TNRC6B: variants seen among roughly 807,000 people sequenced by gnomAD.
The protein encoded by TNRC6B is trinucleotide repeat containing adaptor 6B, also known as trinucleotide repeat-containing gene 6B protein.
A neutral mutation model predicts 203.6 loss-of-function variants in TNRC6B; 52 were observed. The ratio of observed to expected loss-of-function variants is 0.26; its 90% CI spans 0.20 to 0.32. The LOEUF (loss-of-function observed/expected upper bound fraction) is 0.32. Ranked by LOEUF, TNRC6B falls within the 10% of genes least tolerant of loss-of-function variation. The probability of loss-of-function intolerance (pLI) is 1.00; values close to 1 mark genes in which losing one functional copy is unlikely to be tolerated. For synonymous variants in TNRC6B, 838 were observed against 845.7 expected (o/e 0.99, Z 0.16); for missense variants, 1,923 against 2,286.2 (o/e 0.84, Z 3.24).
At chr22:40,092,533 G>T (rs574812303) in intron 1 of TNRC6B, among the ~76,000 whole-genome samples, 5 of 152,164 alleles carry the variant, frequency 3.3e-5, no homozygotes, top group Admixed American at 2.0e-4. Flanking sequence ...ATTAGAGATG[G>T]GTTGTTGCTA....
In TNRC6B at chr22:40,330,106, A is replaced by T. The variant is rs1041535197; in HGVS notation, c.*6865A>T. ...TGCCTCAACTTCATTTTTAAACTGT[A>T]AATCATTGCTTTGGAAATAAATTCC... On this transcript the variant is annotated 3_prime_UTR_variant, in exon 23 of 23. Coordinates refer to ENST00000454349, the MANE Select transcript of TNRC6B (RefSeq NM_001162501.2). 1.3e-4 allele frequency: 20 copies of T among 152,236 alleles called. No individual in the cohort carries two copies. Among genetic ancestry groups the T allele is most frequent in the Admixed American group, 3.9e-4 (6 of 15,278 alleles). The allele number at this position is 152,236 out of a possible 1,614,324, so 9.4% of individuals were successfully genotyped here.
intron 1 of TNRC6B, among the ~76,000 whole-genome samples, chr22:40,093,088 A>G (rs530296006): frequency 6.6e-6 from 1 of 152,266 alleles, no homozygotes; most frequent in Non-Finnish European, 1.5e-5. Flanking sequence ...ACTTGAAAAC[A>G]TGCTGTGCAT....
chr22:40,277,741 G>C (rs142770899), intron 8 of TNRC6B, among the ~76,000 whole-genome samples: 1 of 152,288 alleles, frequency 6.6e-6, no homozygotes, highest in Non-Finnish European at 1.5e-5. Flanking sequence ...TATTTCTTCA[G>C]GCAGCTGTTT....
chr22:40,212,530 G>A (rs1474736706), intron 1 of TNRC6B, among the ~76,000 whole-genome samples: 2 of 152,196 alleles, frequency 1.3e-5, no homozygotes, highest in Non-Finnish European at 2.9e-5. Flanking sequence ...ACAGTTTAAG[G>A]TTGTGATCTC....
intron 3 of TNRC6B, among the ~76,000 whole-genome samples, chr22:40,258,508 T>G (rs2146488937): frequency 6.6e-6 from 1 of 152,262 alleles, no homozygotes; most frequent in East Asian, 1.9e-4. Context: ...AAAAATAGAG[T>G]AAGAATTCAT....
At chr22:40,166,755 C>T (rs1026506757) in intron 4 of TNRC6B, among the ~76,000 whole-genome samples, 2 of 152,030 alleles carry the variant, frequency 1.3e-5, no homozygotes, top group Non-Finnish European at 2.9e-5. Context: ...ATTAGCTAAG[C>T]GTGGTGGCAC....
At chr22:40,117,559 A>G (rs2068401005) in intron 2 of TNRC6B, among the ~76,000 whole-genome samples, 1 of 152,194 alleles carries the variant, frequency 6.6e-6, no homozygotes, top group South Asian at 2.1e-4. Flanking sequence ...GATCCCTTCA[A>G]ACCTAATTCC....
intron 5 of TNRC6B, among the ~76,000 whole-genome samples, chr22:40,269,010 T>C (rs1421881891): frequency 1.3e-5 from 2 of 151,612 alleles, no homozygotes; most frequent in African/African-American, 4.8e-5. Flanking sequence ...TTCAAAAATT[T>C]TACAGAGAAG....
intron 1 of TNRC6B, among the ~76,000 whole-genome samples, chr22:40,064,629 T>C (rs1416740881): frequency 6.6e-6 from 1 of 151,224 alleles, no homozygotes; most frequent in African/African-American, 2.4e-5. Context: ...TTTTTTTTTT[T>C]CTTTTTGAGA....
chr22:40,159,212 C>T (rs1169807630), intron 4 of TNRC6B, among the ~76,000 whole-genome samples: 1 of 151,390 alleles, frequency 6.6e-6, no homozygotes, highest in Non-Finnish European at 1.5e-5. Flanking sequence ...ATCTGCCCGC[C>T]TCGGCCTCCC....
chr22:40,204,067 A>G (rs184717064), intron 1 of TNRC6B, among the ~76,000 whole-genome samples: 1 of 152,250 alleles, frequency 6.6e-6, no homozygotes, highest in Non-Finnish European at 1.5e-5. Flanking sequence ...AGCAAAGAGA[A>G]AGGAGAAACA....
intron 1 of TNRC6B, among the ~76,000 whole-genome samples, chr22:40,101,199 A>G (rs2068238191): frequency 6.6e-6 from 1 of 152,040 alleles, no homozygotes; most frequent in Non-Finnish European, 1.5e-5. Context: ...TCATTGCGTT[A>G]GCCAGGATGG....
Position 40,261,944 on chromosome 22 carries a change from G to A in TNRC6B, c.228G>A (p.Pro76=), listed in dbSNP as rs773792540. 23 of 1,612,434 alleles carry A rather than the reference G, an allele frequency of 1.4e-5. No homozygotes were observed. Among genetic ancestry groups the A allele is most frequent in the East Asian group, 6.7e-5 (3 of 44,874 alleles). The change falls in exon 4 of 23, where the codon CCG becomes CCA. Residue 76 remains proline, a synonymous_variant. Transcript: ENST00000454349. ...ACAATGCCAAAAGGGTGGCAGTGCCGAACGGACAACCGCCAAGCGCCGCCC... is the reference window on the plus strand; with the variant it reads ...ACAATGCCAAAAGGGTGGCAGTGCCAAACGGACAACCGCCAAGCGCCGCCC... The part of the protein sequence containing the change: ...GGNNAKRVAV[P]NGQPPSAARY...
intron 1 of TNRC6B, among the ~76,000 whole-genome samples, chr22:40,214,603 A>G (rs2069609895): frequency 6.6e-6 from 1 of 150,954 alleles, no homozygotes; most frequent in South Asian, 2.1e-4. Context: ...TCTGTTGCCC[A>G]GGCTGGAGTG....
intron 17 of TNRC6B, among the ~76,000 whole-genome samples, chr22:40,312,150 C>A (rs1055535990): frequency 2.6e-5 from 4 of 152,138 alleles, no homozygotes; most frequent in African/African-American, 9.7e-5. Flanking sequence ...ATATTTTCAC[C>A]GGTTCTTGGC....
In TNRC6B at chr22:40,273,618, G is replaced by C. The variant is rs367868372; in HGVS notation, c.3141+18G>C. On this transcript the variant is annotated intron_variant, in intron 7 of 22. Transcript: ENST00000454349. Reference sequence around the variant, plus strand: ...AAATGAAGGTAGCCTGCTTAGAAATGTTCGCACTTGCTCATTCGCTCTGAG... The same window carrying C: ...AAATGAAGGTAGCCTGCTTAGAAATCTTCGCACTTGCTCATTCGCTCTGAG... The C allele has an allele frequency of 5.2e-6, 8 of 1,549,976 alleles. No individual in the cohort carries two copies. In the South Asian group the frequency reaches 8.4e-5, roughly 16 times the overall value.
At chr22:40,241,804 C>G (rs958738598) in intron 1 of TNRC6B, among the ~76,000 whole-genome samples, 2 of 152,116 alleles carry the variant, frequency 1.3e-5, no homozygotes, top group East Asian at 1.9e-4. Flanking sequence ...TCAATTTATT[C>G]ATTTGCTTAT....
intron 3 of TNRC6B, among the ~76,000 whole-genome samples, chr22:40,143,083 G>A (rs1453655358): frequency 6.6e-6 from 1 of 152,184 alleles, no homozygotes; most frequent in Admixed American, 6.6e-5. Context: ...CAGTTGGTCA[G>A]TTGAATTTCA....
intron 11 of TNRC6B, 28 bp from the exon 12 acceptor site, chr22:40,285,617 A>G: frequency 6.3e-7 from 1 of 1,596,944 alleles, no homozygotes; most frequent in African/African-American, 1.3e-5. Flanking sequence ...GTTAACAAAA[A>G]GCCTTACTGC....
Sources: allele counts gnomAD v4.1 joint callset (sites outside exome capture counted in the v4.1 genomes callset), GRCh38; gene constraint gnomAD v4.1.1; transcripts MANE v1.5; gene names NCBI Gene and HGNC (gene_info 2026-07-23, HGNC 2026-07-21).